CTDSP1: variants seen among roughly 807,000 people sequenced by gnomAD.
CTDSP1 encodes carboxy-terminal domain RNA polymerase II polypeptide A small phosphatase 1.
A neutral mutation model predicts 32.5 loss-of-function variants in CTDSP1; 15 were observed. The ratio of observed to expected loss-of-function variants is 0.46; its 90% CI spans 0.31 to 0.71. The LOEUF (loss-of-function observed/expected upper bound fraction) is 0.71, where lower values mean the gene tolerates loss of function less well. Among genes scored for constraint, CTDSP1 ranks in the 30% least tolerant of loss-of-function variants. The pLI, the probability that CTDSP1 is intolerant of heterozygous loss-of-function variation, is 0.05. For synonymous variants in CTDSP1, 185 were observed against 145.4 expected, an observed-to-expected ratio of 1.27 and a Z score of -1.96; for missense variants, 294 against 351.1, an observed-to-expected ratio of 0.84 and a Z score of 1.30.
Position 218,404,392 on chromosome 2 carries a change from C to T in CTDSP1, c.753C>T (p.Tyr251=), listed in dbSNP as rs755529415. Residue 251 remains tyrosine, a synonymous_variant, in exon 7 of 7, where the codon TAC becomes TAT. Coordinates refer to ENST00000273062, the MANE Select transcript of CTDSP1 (RefSeq NM_021198.3). ...FEQLSRVDDV[Y]SVLRQPRPGS ...AACTCAGCCGTGTGGACGACGTGTA[C>T]TCAGTGCTCAGGCAGCCACGGCCAG... is the stretch of plus-strand genomic sequence containing the variant. 2 of 1,614,166 alleles carry T rather than the reference C, an allele frequency of 1.2e-6. No individual in the cohort carries two copies. Among genetic ancestry groups the T allele is most frequent in the Non-Finnish European group, 8.5e-7 (1 of 1,180,014 alleles).
At chr2:218,404,032 C>G (rs1413603057) in intron 6 of CTDSP1, among the ~76,000 whole-genome samples, 1 of 152,010 alleles carries the variant, frequency 6.6e-6, no homozygotes, top group East Asian at 1.9e-4. Context: ...TGCACTCTAG[C>G]CTGGGCAACA....
chr2:218,402,755 C>G, intron 4 of CTDSP1: 1 of 739,050 alleles, frequency 1.4e-6, no homozygotes, highest in Non-Finnish European at 2.5e-6. Flanking sequence ...GGGGCTGCCC[C>G]TGGATTCCTG....
At chr2:218,399,750 C>T (rs946160241), upstream of CTDSP1, 19 of 1,026,720 alleles carry the variant, frequency 1.9e-5, no homozygotes, top group Non-Finnish European at 2.2e-5. Context: ...GCCCGCCTCC[C>T]AGTCCGCCTA....
At position 218,399,936 on chromosome 2, in the gene CTDSP1, C is replaced by CCGCG; in HGVS notation, c.-154_-153insGCGC. On this transcript the variant is annotated 5_prime_UTR_variant, in exon 1 of 7. Coordinates refer to ENST00000273062, the MANE Select transcript of CTDSP1 (RefSeq NM_021198.3). ...TCCTCCGCGCCCCCTCCCTCCCCCTCCCCCCTAGAACCTGGCTCCCCTCCC... is the reference window on the plus strand; with the variant it reads ...TCCTCCGCGCCCCCTCCCTCCCCCTCCGCGCCCCCTAGAACCTGGCTCCCCTCCC... 1 of 1,066,894 alleles carries CCGCG rather than the reference C, an allele frequency of 9.4e-7. No homozygotes were observed. The highest frequency in any genetic ancestry group is 1.1e-6 in the Non-Finnish European group (1 of 872,110). The allele number at this position is 1,066,894 out of a possible 1,614,324, so 66.1% of individuals were successfully genotyped here.
upstream of CTDSP1, among the ~76,000 whole-genome samples, chr2:218,398,067 C>G (rs1696912276): frequency 6.6e-6 from 1 of 152,150 alleles, no homozygotes; most frequent in East Asian, 1.9e-4. Context: ...GAGGAAAGCG[C>G]GCCACCCAAC....
intron 2 of CTDSP1, 51 bp from the exon 3 acceptor site, chr2:218,402,060 A>G: frequency 1.6e-6 from 2 of 1,278,320 alleles, no homozygotes; most frequent in Non-Finnish European, 2.3e-6. Context: ...GCGTGGGAGG[A>G]AGGACCAGGC....
upstream of CTDSP1, chr2:218,399,110 G>C (rs1336543233): frequency 2.6e-5 from 4 of 152,282 alleles, no homozygotes; most frequent in African/African-American, 9.6e-5. Context: ...GGCCCCTGGA[G>C]AAGGTGGCAT....
chr2:218,402,601 C>T (rs1381029236), intron 4 of CTDSP1, 196 bp downstream of exon 4: 2 of 757,670 alleles, frequency 2.6e-6, no homozygotes, highest in Non-Finnish European at 4.9e-6. Flanking sequence ...AGAGTGGGCT[C>T]CTCCTCTAGG....
At chr2:218,401,239 G>A (rs999821106) in intron 1 of CTDSP1, 12 of 422,852 alleles carry the variant, frequency 2.8e-5, no homozygotes, top group Non-Finnish European at 5.3e-5. Context: ...AGGAGGCACC[G>A]CAATGGGGCT....
At chr2:218,398,147 C>A, upstream of CTDSP1, 1 of 515,890 alleles carries the variant, frequency 1.9e-6, no homozygotes, top group Non-Finnish European at 3.5e-6. Context: ...GTCATGAGGG[C>A]CCCGCATCCG....
intron 1 of CTDSP1, chr2:218,401,133 A>T (rs1697114473): frequency 2.7e-6 from 1 of 367,468 alleles, no homozygotes; most frequent in Non-Finnish European, 5.5e-6. Flanking sequence ...CTTCGTACCC[A>T]CGGGGGTGGA....
At chr2:218,398,341 G>C (rs541970356), upstream of CTDSP1, 1 of 1,395,782 alleles carries the variant, frequency 7.2e-7, no homozygotes, top group Non-Finnish European at 9.8e-7. Flanking sequence ...GGGTAAATGA[G>C]ATTAGGGGGC....
Position 218,404,359 on chromosome 2 carries a change from C to T in CTDSP1, c.720C>T (p.Phe240=). 1 of 1,614,158 alleles carries T rather than the reference C, an allele frequency of 6.2e-7. No homozygotes were observed. The change falls in exon 7 of 7, where the codon TTC becomes TTT. Residue 240 remains phenylalanine (F), a synonymous_variant. Transcript: ENST00000273062. The part of the protein sequence containing the change: ...SDTELHDLLP[F]FEQLSRVDDV... Reference sequence around the variant, plus strand: ...CAGAGCTCCACGACCTCCTCCCCTTCTTCGAGCAACTCAGCCGTGTGGACG... The same window carrying T: ...CAGAGCTCCACGACCTCCTCCCCTTTTTCGAGCAACTCAGCCGTGTGGACG...
chr2:218,398,575 C>A, upstream of CTDSP1: 1 of 828,686 alleles, frequency 1.2e-6, no homozygotes, highest in Non-Finnish European at 1.7e-6. Context: ...CTCCCTTCCC[C>A]TCCCGGCCCC....
chr2:218,398,320 G>A (rs995742862), upstream of CTDSP1: 77 of 1,152,658 alleles, frequency 6.7e-5, no homozygotes, highest in East Asian at 1.9e-4. Flanking sequence ...TAAGAAGGAG[G>A]CCGTTCTAAG....
At chr2:218,399,690 C>G (rs1016217962), upstream of CTDSP1, 2 of 969,680 alleles carry the variant, frequency 2.1e-6, no homozygotes, top group African/African-American at 3.5e-5. Context: ...CGCCGGCGGG[C>G]GGCAGGAAGG....
At chr2:218,397,667 AAT>A (rs1182986025), upstream of CTDSP1, among the ~76,000 whole-genome samples, 1 of 152,072 alleles carries the variant, frequency 6.6e-6, no homozygotes, top group Non-Finnish European at 1.5e-5. Flanking sequence ...ACAGACAAAA[AAT>A]AGAGTGCATA....
upstream of CTDSP1, chr2:218,398,287 G>A: frequency 2.3e-6 from 2 of 871,116 alleles, no homozygotes; most frequent in Admixed American, 2.3e-5. Flanking sequence ...TTGAAACTCA[G>A]TTTCCTCATC....
upstream of CTDSP1, chr2:218,399,730 AC>A: frequency 1.0e-6 from 1 of 1,001,732 alleles, no homozygotes; most frequent in South Asian, 4.6e-5. Context: ...CGCGGCAGGA[AC>A]CCGGCCCGGC....
Sources: allele counts gnomAD v4.1 joint callset (sites outside exome capture counted in the v4.1 genomes callset), GRCh38; gene constraint gnomAD v4.1.1; transcripts MANE v1.5; gene names NCBI Gene and HGNC (gene_info 2026-07-23, HGNC 2026-07-21).